Variants in IL1R1 observed in about 807,000 individuals in gnomAD.
IL1R1 encodes the protein interleukin-1 receptor type 1.
In IL1R1, 22 loss-of-function variants were observed where a neutral mutation model predicts 50.2. The ratio of observed to expected loss-of-function variants is 0.44; its 90% CI spans 0.31 to 0.63. The LOEUF (loss-of-function observed/expected upper bound fraction) is 0.63. Ranked by LOEUF, IL1R1 falls within the 20% of genes least tolerant of loss-of-function variation. The pLI, the probability that IL1R1 is intolerant of heterozygous loss-of-function variation, is 0.07. For synonymous variants in IL1R1, 251 were observed against 236.7 expected (o/e 1.06, Z -0.55); for missense variants, 509 against 676.2 (o/e 0.75, Z 2.74).
At chr2:102,147,838 C>T (rs1243267585) in intron 1 of IL1R1, among the ~76,000 whole-genome samples, 1 of 152,204 alleles carries the variant, frequency 6.6e-6, no homozygotes, top group African/African-American at 2.4e-5. Context: ...CATAGCGACA[C>T]TTGAAACCTC....
At chr2:102,139,106 G>C (rs1052361707), upstream of IL1R1, among the ~76,000 whole-genome samples, 1 of 152,180 alleles carries the variant, frequency 6.6e-6, no homozygotes, top group Non-Finnish European at 1.5e-5. Context: ...AGTGGACCGA[G>C]CTGAAGAATG....
At chr2:102,167,202 T>C (rs752006213) in intron 6 of IL1R1, among the ~76,000 whole-genome samples, 1 of 152,152 alleles carries the variant, frequency 6.6e-6, no homozygotes, top group Non-Finnish European at 1.5e-5. Flanking sequence ...TTTCCAGTTA[T>C]ATAATACTTT....
intron 1 of IL1R1, among the ~76,000 whole-genome samples, chr2:102,086,126 C>T (rs74611370): frequency 3.7e-4 from 57 of 152,260 alleles, no homozygotes; most frequent in East Asian, 3.1e-3. Flanking sequence ...TTTTAATAAT[C>T]TGTACATGCT....
intron 1 of IL1R1, among the ~76,000 whole-genome samples, chr2:102,088,035 G>T (rs932520948): frequency 6.6e-6 from 1 of 152,172 alleles, no homozygotes; most frequent in African/African-American, 2.4e-5. Context: ...CACCACATCT[G>T]CAGTTACTTC....
At chr2:102,111,804 G>T (rs1407934439) in intron 1 of IL1R1, among the ~76,000 whole-genome samples, 1 of 152,186 alleles carries the variant, frequency 6.6e-6, no homozygotes, top group East Asian at 1.9e-4. Flanking sequence ...GGAGACAGCT[G>T]CAAGTAGGGC....
intron 1 of IL1R1, among the ~76,000 whole-genome samples, chr2:102,131,623 C>T (rs1485610937): frequency 6.9e-6 from 1 of 143,890 alleles, no homozygotes; most frequent in Non-Finnish European, 1.5e-5. Context: ...ATCAGTGAAT[C>T]GAAAGACATA....
chr2:102,108,152 G>A (rs1442052151), intron 1 of IL1R1, among the ~76,000 whole-genome samples: 1 of 151,790 alleles, frequency 6.6e-6, no homozygotes, highest in East Asian at 1.9e-4. Flanking sequence ...AAAATATATA[G>A]TTTCTGGAGA....
upstream of IL1R1, among the ~76,000 whole-genome samples, chr2:102,103,125 A>G (rs1355515904): frequency 5.9e-5 from 9 of 152,192 alleles, no homozygotes; most frequent in Non-Finnish European, 1.0e-4. Context: ...ACAGACCTGC[A>G]CAAGTACCCC....
chr2:102,174,568 T>A lies in IL1R1; in HGVS notation c.992-19T>A. 6.5e-7 allele frequency: 1 copy of A among 1,536,042 alleles called. No individual in the cohort carries two copies. The highest frequency in any genetic ancestry group is 2.3e-5 in the East Asian group (1 of 43,026). ...TTGGTTCTAATATTTTTTCTCCTTTTTTTTTCTTTTTGCTATAGTCACTAA... is the reference window on the plus strand; with the variant it reads ...TTGGTTCTAATATTTTTTCTCCTTTATTTTTCTTTTTGCTATAGTCACTAA... On this transcript the variant is annotated intron_variant, in intron 9 of 11. Transcript: ENST00000410023.
chr2:102,174,753 G>T, intron 10 of IL1R1, 23 bp downstream of exon 10: 1 of 1,585,900 alleles, frequency 6.3e-7, no homozygotes, highest in Non-Finnish European at 8.6e-7. Flanking sequence ...ATTCCATGCA[G>T]TATTTCTTGT....
At chr2:102,120,487 G>T (rs1272202448) in intron 1 of IL1R1, among the ~76,000 whole-genome samples, 3 of 152,134 alleles carry the variant, frequency 2.0e-5, no homozygotes, top group Non-Finnish European at 2.9e-5. Flanking sequence ...CACAATTCCT[G>T]CCTCCATGAA....
intron 1 of IL1R1, among the ~76,000 whole-genome samples, chr2:102,151,916 G>C (rs3755294): frequency 6.6e-5 from 10 of 152,174 alleles, no homozygotes; most frequent in Admixed American, 2.6e-4. Context: ...CACAGAGCCA[G>C]CTGAACAGTG....
chr2:102,092,015 A>G (rs1239686818), intron 1 of IL1R1, among the ~76,000 whole-genome samples: 1 of 152,208 alleles, frequency 6.6e-6, no homozygotes, highest in Non-Finnish European at 1.5e-5. Context: ...TTAAAGCTTC[A>G]TGAGATTTTA....
At chr2:102,120,201 G>C (rs185562070) in intron 1 of IL1R1, among the ~76,000 whole-genome samples, 1 of 152,162 alleles carries the variant, frequency 6.6e-6, no homozygotes, top group South Asian at 2.1e-4. Flanking sequence ...TTGTGTGAGC[G>C]TATGTGTTTG....
intron 1 of IL1R1, among the ~76,000 whole-genome samples, chr2:102,074,085 T>C (rs1380440291): frequency 1.3e-5 from 2 of 152,204 alleles, no homozygotes; most frequent in African/African-American, 4.8e-5. Context: ...TGCAATATAA[T>C]TTAGGATTTA....
At chr2:102,119,209 G>T (rs922171992) in intron 1 of IL1R1, among the ~76,000 whole-genome samples, 1 of 152,108 alleles carries the variant, frequency 6.6e-6, no homozygotes, top group Non-Finnish European at 1.5e-5. Context: ...ACTTCTCTTC[G>T]ATAATTCAAG....
chr2:102,082,402 G>A (rs973149563), intron 1 of IL1R1, among the ~76,000 whole-genome samples: 2 of 152,142 alleles, frequency 1.3e-5, no homozygotes, highest in African/African-American at 4.8e-5. Flanking sequence ...CTAAAGCCAA[G>A]GATGTATAGT....
intron 1 of IL1R1, among the ~76,000 whole-genome samples, chr2:102,109,046 C>T (rs1042992091): frequency 1.3e-5 from 2 of 151,740 alleles, no homozygotes; most frequent in Non-Finnish European, 2.9e-5. Context: ...AGGTACCGCT[C>T]ATATAAAATA....
At chr2:102,113,998 A>T (rs1336878448) in intron 1 of IL1R1, among the ~76,000 whole-genome samples, 1 of 152,200 alleles carries the variant, frequency 6.6e-6, no homozygotes. Flanking sequence ...AAGGAACATG[A>T]GGAAGGGAAA....
Sources: allele counts gnomAD v4.1 joint callset (sites outside exome capture counted in the v4.1 genomes callset), GRCh38; gene constraint gnomAD v4.1.1; transcripts MANE v1.5; gene names NCBI Gene and HGNC (gene_info 2026-07-23, HGNC 2026-07-21).